The following CCT4 variants were observed in gnomAD, a reference collection of about 807,000 sequenced individuals.
The protein encoded by CCT4 is T-complex protein 1 subunit delta.
A neutral mutation model predicts 62.5 loss-of-function variants in CCT4; 17 were observed. The ratio of observed to expected loss-of-function variants is 0.27; its 90% CI spans 0.19 to 0.41. The LOEUF (loss-of-function observed/expected upper bound fraction) is 0.41. Among genes scored for constraint, CCT4 ranks in the 10% least tolerant of loss-of-function variants. The pLI is 1.00. For synonymous variants in CCT4, 250 were observed against 229.9 expected, an observed-to-expected ratio of 1.09 and a Z score of -0.79; for missense variants, 592 against 659.2, an observed-to-expected ratio of 0.90 and a Z score of 1.12.
intron 3 of CCT4, among the ~76,000 whole-genome samples, chr2:61,882,315 G>A (rs574315490): frequency 1.6e-4 from 24 of 152,184 alleles, no homozygotes; most frequent in African/African-American, 3.9e-4. Flanking sequence ...CTTATTCCTC[G>A]AGTGTATGCC....
At chr2:61,872,807 G>A (rs1378321515) in intron 10 of CCT4, among the ~76,000 whole-genome samples, 195 bp downstream of exon 10, 4 of 152,146 alleles carry the variant, frequency 2.6e-5, no homozygotes, top group Non-Finnish European at 4.4e-5. Flanking sequence ...GGCGCCTGTA[G>A]TCCCAGCTTC....
chr2:61,882,810 T>A, intron 3 of CCT4, among the ~76,000 whole-genome samples: 1 of 51,244 alleles, frequency 2.0e-5, no homozygotes, highest in African/African-American at 9.7e-5. Context: ...TGTGCCCAGC[T>A]TTTTTTTTTT....
chr2:61,875,948 C>A (rs199550538), intron 8 of CCT4, 147 bp downstream of exon 8: 1 of 504,600 alleles, frequency 2.0e-6, no homozygotes, highest in Admixed American at 3.7e-5. Flanking sequence ...AATAAAAATT[C>A]TCCATTTCGT....
chr2:61,869,804 T>A (rs1412052832), intron 12 of CCT4, among the ~76,000 whole-genome samples: 3 of 151,774 alleles, frequency 2.0e-5, no homozygotes, highest in Non-Finnish European at 1.5e-5. Flanking sequence ...CGGCTAATTT[T>A]TTGTATTTTT....
At chr2:61,883,145 C>G (rs967112002) in intron 3 of CCT4, among the ~76,000 whole-genome samples, 1 of 151,992 alleles carries the variant, frequency 6.6e-6, no homozygotes, top group East Asian at 1.9e-4. Context: ...CTCATCTGGC[C>G]GGGCGCAGTA....
At chr2:61,871,984 T>A (rs368273591) in intron 12 of CCT4, 98 bp downstream of exon 12, 1 of 801,558 alleles carries the variant, frequency 1.2e-6, no homozygotes, top group Admixed American at 2.8e-5. Flanking sequence ...TCCAAGATTA[T>A]GCTTTTCATT....
intron 10 of CCT4, among the ~76,000 whole-genome samples, 197 bp downstream of exon 10, chr2:61,872,805 T>C (rs897874429): frequency 6.6e-6 from 1 of 152,138 alleles, no homozygotes; most frequent in Non-Finnish European, 1.5e-5. Flanking sequence ...CAGGCGCCTG[T>C]AGTCCCAGCT....
chr2:61,884,956 A>G (rs1003923530), intron 2 of CCT4, 64 bp downstream of exon 2: 2 of 1,377,078 alleles, frequency 1.5e-6, no homozygotes, highest in African/African-American at 2.9e-5. Flanking sequence ...CTAACCCTTC[A>G]ACAAGATCTT....
intron 3 of CCT4, among the ~76,000 whole-genome samples, chr2:61,880,603 C>T (rs1240382231): frequency 6.6e-6 from 1 of 152,156 alleles, no homozygotes; most frequent in Non-Finnish European, 1.5e-5. Context: ...GTCATCTCCC[C>T]CTGCCCTGCT....
At chr2:61,870,508 T>TA (rs1432769364) in intron 12 of CCT4, among the ~76,000 whole-genome samples, 4 of 150,832 alleles carry the variant, frequency 2.7e-5, no homozygotes, top group Non-Finnish European at 5.9e-5. Flanking sequence ...GCCTCTTGCT[T>TA]AAAAAAATCT....
At chr2:61,876,037 C>T in intron 8 of CCT4, 58 bp downstream of exon 8, 2 of 1,111,136 alleles carry the variant, frequency 1.8e-6, no homozygotes, top group Non-Finnish European at 2.6e-6. Flanking sequence ...AAAAAATAAA[C>T]TGCTAGTGGA....
chr2:61,884,572 G>A (rs999197843), intron 2 of CCT4, among the ~76,000 whole-genome samples: 3 of 151,772 alleles, frequency 2.0e-5, no homozygotes, highest in Admixed American at 6.6e-5. Context: ...GCCTCCCAAA[G>A]TGCTGGAATT....
At chr2:61,883,117 C>T (rs10865329) in intron 3 of CCT4, among the ~76,000 whole-genome samples, 149,076 of 152,314 alleles carry the variant, frequency 0.98, 72,963 homozygotes, top group East Asian at 1. Flanking sequence ...AAGTATCAAA[C>T]ACACTTAAAA....
At chr2:61,879,245 C>CAAATTT (rs1342001348) in intron 4 of CCT4, among the ~76,000 whole-genome samples, 1 of 140,182 alleles carries the variant, frequency 7.1e-6, no homozygotes, top group African/African-American at 2.7e-5. Flanking sequence ...TGACTAAAAC[C>CAAATTT]AAATTTTATA....
At chr2:61,883,575 T>C in intron 2 of CCT4, 27 bp from the exon 3 acceptor site, 1 of 1,112,848 alleles carries the variant, frequency 9.0e-7, no homozygotes, top group Non-Finnish European at 1.3e-6. Context: ...AAAGTTATAT[T>C]TCAATGTCAC....
chr2:61,871,942 T>C (rs578243728), intron 12 of CCT4, 140 bp downstream of exon 12: 1 of 608,766 alleles, frequency 1.6e-6, no homozygotes, highest in Admixed American at 3.1e-5. Flanking sequence ...ATGGCATAGA[T>C]TAATTAACAT....
intron 3 of CCT4, among the ~76,000 whole-genome samples, chr2:61,880,743 T>TCA (rs1669095038): frequency 2.6e-5 from 4 of 152,108 alleles, no homozygotes; most frequent in African/African-American, 9.7e-5. Context: ...TCTTACTCTG[T>TCA]CACCCAGACT....
intron 2 of CCT4, among the ~76,000 whole-genome samples, chr2:61,884,025 G>A (rs1450173703): frequency 6.6e-6 from 1 of 152,120 alleles, no homozygotes; most frequent in African/African-American, 2.4e-5. Context: ...AATATCCAGA[G>A]CGGAGAATAA....
At chr2:61,878,331 A>G (rs1213136753) in intron 5 of CCT4, among the ~76,000 whole-genome samples, 1 of 152,200 alleles carries the variant, frequency 6.6e-6, no homozygotes, top group African/African-American at 2.4e-5. Context: ...CATAAGTATT[A>G]GTTAAGGGAT....
Sources: gnomAD v4.1 joint callset for allele counts (sites outside exome capture counted in the v4.1 genomes callset) on GRCh38, gnomAD v4.1.1 for gene constraint, MANE v1.5 for transcripts, NCBI Gene and HGNC (gene_info 2026-07-23, HGNC 2026-07-21) for gene names.